Variants in TNFAIP2 observed in about 807,000 individuals in gnomAD.
The protein encoded by TNFAIP2 is tumor necrosis factor alpha-induced protein 2.
In TNFAIP2, 47 loss-of-function variants were observed where a neutral mutation model predicts 63.5. The observed-to-expected ratio is 0.74, with a 90% CI of 0.59 to 0.94. TNFAIP2 has a LOEUF of 0.94. Among genes scored for constraint, TNFAIP2 ranks in the 40% least tolerant of loss-of-function variants. The pLI is 0.00. For synonymous variants in TNFAIP2, 405 were observed against 390.2 expected (o/e 1.04, Z -0.45); for missense variants, 787 against 850.2 (o/e 0.93, Z 0.92).
At chr14:103,129,623 A>T in intron 3 of TNFAIP2, 117 bp from the exon 4 acceptor site, 2 of 827,982 alleles carry the variant, frequency 2.4e-6, no homozygotes, top group Non-Finnish European at 4.0e-6. Context: ...GGGGTGCGGG[A>T]GGGTGTGCTG....
In TNFAIP2 at chr14:103,130,242, C is replaced by T; in HGVS notation, c.1099-73C>T. The T allele has an allele frequency of 2.0e-6, 3 of 1,528,368 alleles. No individual in the cohort carries two copies. The South Asian group carries it at 3.7e-5, about 19-fold the overall frequency. The allele number at this position is 1,528,368 out of a possible 1,614,324, so 94.7% of individuals were successfully genotyped here. A position where few individuals can be genotyped will look rare whatever the true frequency, so the allele number is the denominator to read the frequency against. ...CCTCGGGGCACCCCCTCTGTTCCCGCCTGTTTCCTCCCCGTCCCCTGCCCC... is the reference window on the plus strand; with the variant it reads ...CCTCGGGGCACCCCCTCTGTTCCCGTCTGTTTCCTCCCCGTCCCCTGCCCC... On this transcript the variant is annotated intron_variant, in intron 5 of 11. Transcript: ENST00000560869.
In TNFAIP2 at chr14:103,132,758, C is replaced by A; in HGVS notation, c.1431C>A (p.Phe477Leu). ...QNLHEDLKPLFKRFTHTRWAA... is the reference protein window; with the variant it reads ...QNLHEDLKPLLKRFTHTRWAA... ...TGCCTCTCCTGTCTCAGCCACTGTT[C>A]AAGAGGTTCACGCACACCCGCTGGG... The change falls in exon 9 of 12, where the codon TTC (phenylalanine) becomes TTA (leucine). Residue 477 changes from phenylalanine (F) to leucine (L), a missense_variant. By Grantham distance (22) the Phe-to-Leu change is conservative. Around this residue, in one of 3 missense-constraint regions of TNFAIP2, gnomAD observed 523 missense variants for 604.1 expected, o/e 0.87. Transcript: ENST00000560869. 6.2e-7 allele frequency: 1 copy of A among 1,613,148 alleles called. No individual in the cohort carries two copies. The highest frequency in any genetic ancestry group is 1.1e-5 in the South Asian group (1 of 90,708).
chr14:103,133,082 G>A (rs548950353), intron 9 of TNFAIP2, among the ~76,000 whole-genome samples: 1 of 152,324 alleles, frequency 6.6e-6, no homozygotes, highest in East Asian at 1.9e-4. Flanking sequence ...ACACACATGT[G>A]AATGCACGAG....
Position 103,127,619 on chromosome 14 carries a change from C to T in TNFAIP2, c.850C>T (p.Leu284Phe). 1 of 1,505,036 alleles carries T rather than the reference C, an allele frequency of 6.6e-7. No individual in the cohort carries two copies. The highest frequency in any genetic ancestry group is 8.9e-7 in the Non-Finnish European group (1 of 1,125,544). The allele number at this position is 1,505,036 out of a possible 1,614,324, so 93.2% of individuals were successfully genotyped here. The change falls in exon 3 of 12, where the codon CTC becomes TTC. Residue 284 changes from leucine (L) to phenylalanine (F), a missense_variant. This residue lies in a region of TNFAIP2 where 523 missense variants were observed against 604.1 expected (regional missense o/e 0.87). Coordinates refer to ENST00000560869, the MANE Select transcript of TNFAIP2 (RefSeq NM_006291.4). The surrounding 1 kb of genome is among the most constrained non-coding windows in gnomAD (Gnocchi z 5.1). ...CATGCTGCTGCTCTGGGTGCAGAACCTCTACCCCAAGTGAGCAGACCAGGG... is the reference window on the plus strand; with the variant it reads ...CATGCTGCTGCTCTGGGTGCAGAACTTCTACCCCAAGTGAGCAGACCAGGG... ...TYMLLLWVQN[L>F]YPNDIINSPK... is the part of the protein sequence containing the mutation.
intron 3 of TNFAIP2, 77 bp from the exon 4 acceptor site, chr14:103,129,663 T>G: frequency 7.2e-7 from 1 of 1,396,718 alleles, no homozygotes; most frequent in Non-Finnish European, 1.0e-6. Context: ...AGACCAAGGC[T>G]GAGGGCCTGG....
Position 103,131,180 on chromosome 14 carries a change from T to C in TNFAIP2, c.1298+30T>C. ...GAGTGTTGGGAGGGGCTTGCGGGAG[T>C]GGGAGTCACTCAGCGGGCAGGAGAG... On this transcript the variant is annotated intron_variant, in intron 7 of 11. Coordinates refer to ENST00000560869, the MANE Select transcript of TNFAIP2 (RefSeq NM_006291.4). The surrounding 1 kb of genome is among the most constrained non-coding windows in gnomAD (Gnocchi z 4.0). 6.2e-7 allele frequency: 1 copy of C among 1,609,306 alleles called. No individual in the cohort carries two copies. The highest frequency in any genetic ancestry group is 8.5e-7 in the Non-Finnish European group (1 of 1,176,626).
At position 103,131,754 on chromosome 14, in the gene TNFAIP2, G is replaced by A; in HGVS notation, c.1414G>A (p.Asp472Asn). ...CACCCTGCTCCAGAACCTGCATGAG[G>A]ACCTGAAGGTAGCGGGAGCCTCTTG... ...FDTLLQNLHE[D>N]LKPLFKRFTH... Residue 472 changes from aspartate (D) to asparagine (N), a missense_variant, in exon 8 of 12, where the codon GAC (aspartate) becomes AAC (asparagine). Asp to Asn is a conservative substitution (Grantham distance 23). Transcript: ENST00000560869. This position sits in a 1 kb window ranked among gnomAD's most constrained non-coding sequence, Gnocchi z 4.0. The A allele has an allele frequency of 1.2e-6, 2 of 1,611,924 alleles. No individual in the cohort carries two copies. The highest frequency in any genetic ancestry group is 1.7e-6 in the Non-Finnish European group (2 of 1,179,468).
chr14:103,132,705 T>A (rs759808722), intron 8 of TNFAIP2, 45 bp from the exon 9 acceptor site: 3 of 1,596,304 alleles, frequency 1.9e-6, no homozygotes, highest in Non-Finnish European at 2.6e-6. Context: ...CTGGCAGCCC[T>A]TCCTCTCCAG....
intron 11 of TNFAIP2, among the ~76,000 whole-genome samples, chr14:103,134,886 TTGTGAA>T (rs1230532456): frequency 6.6e-6 from 1 of 152,148 alleles, no homozygotes; most frequent in Non-Finnish European, 1.5e-5. Context: ...TTAACCAAGG[TTGTGAA>T]TGATAGGAGG....
At chr14:103,122,662 A>G, upstream of TNFAIP2, 1 of 456,028 alleles carries the variant, frequency 2.2e-6, no homozygotes, top group Non-Finnish European at 4.4e-6. Context: ...GCCTGCGCTG[A>G]ATGGGCAAAG....
upstream of TNFAIP2, among the ~76,000 whole-genome samples, chr14:103,123,272 G>A (rs553390916): frequency 6.6e-6 from 1 of 152,314 alleles, no homozygotes; most frequent in East Asian, 1.9e-4. Context: ...AAGTGACAGC[G>A]CCCCGCATCC....
At chr14:103,125,520 G>A (rs988158292) in intron 1 of TNFAIP2, among the ~76,000 whole-genome samples, 2 of 152,234 alleles carry the variant, frequency 1.3e-5, no homozygotes, top group South Asian at 2.1e-4. Flanking sequence ...CACCCAGGAA[G>A]GCTGCAGAAA....
rs1337300890 is a variant in TNFAIP2, at chr14:103,127,489, C to T, written c.720C>T (p.Pro240=). ...AVVERLKPLF[P]AEFGVVAAYA... The stretch of plus-strand genomic sequence containing the variant: ...TGGAGCGGCTGAAGCCGCTGTTCCC[C>T]GCCGAGTTCGGCGTCGTGGCGGCCT... Residue 240 remains proline, a synonymous_variant, in exon 3 of 12, where the codon CCC becomes CCT. Coordinates refer to ENST00000560869, the MANE Select transcript of TNFAIP2 (RefSeq NM_006291.4). The surrounding 1 kb of genome is among the most constrained non-coding windows in gnomAD (Gnocchi z 5.1). 10 of 1,590,064 alleles carry T rather than the reference C, an allele frequency of 6.3e-6. No individual in the cohort carries two copies. The highest frequency in any genetic ancestry group is 1.3e-5 in the African/African-American group (1 of 74,816).
In TNFAIP2 at chr14:103,127,301, C is replaced by T; in HGVS notation, c.532C>T (p.Leu178=). Residue 178 remains leucine, a synonymous_variant, in exon 3 of 12, where the codon CTG becomes TTG. Transcript: ENST00000560869. This position sits in a 1 kb window ranked among gnomAD's most constrained non-coding sequence, Gnocchi z 5.1. ...AAAAGPGTSG[L]AATRPRRWLQ... ...GGCGGCGGGGCCGGGGACCTCGGGG[C>T]TGGCGGCCACGCGCCCGCGGCGCTG... 2 of 987,698 alleles carry T rather than the reference C, an allele frequency of 2.0e-6. No homozygotes were observed. Among genetic ancestry groups the T allele is most frequent in the Non-Finnish European group, 2.4e-6 (2 of 833,154 alleles). 61.2% of individuals were successfully genotyped at this position (987,698 alleles called of 1,614,324 possible). A position where few individuals can be genotyped will look rare whatever the true frequency, so the allele number is the denominator to read the frequency against.
rs576304605 is a variant in TNFAIP2 at position 103,131,545 on chromosome 14, G to T, written c.1299-94G>T. 8.9e-6 allele frequency: 13 copies of T among 1,459,312 alleles called. No homozygotes were observed. In the East Asian group the frequency reaches 2.7e-4, roughly 31 times the overall value. The allele number at this position is 1,459,312 out of a possible 1,614,324, so 90.4% of individuals were successfully genotyped here. A position where few individuals can be genotyped will look rare whatever the true frequency, so the allele number is the denominator to read the frequency against. ...CATAGAGAATGGGGAGCCATTGAGG[G>T]TTCTAGAGTGAAGAGAGGGGGCTGT... On this transcript the variant is annotated intron_variant, in intron 7 of 11. Coordinates refer to ENST00000560869, the MANE Select transcript of TNFAIP2 (RefSeq NM_006291.4). The surrounding 1 kb of genome is among the most constrained non-coding windows in gnomAD (Gnocchi z 4.0).
upstream of TNFAIP2, among the ~76,000 whole-genome samples, chr14:103,121,886 TGA>T (rs1891117959): frequency 2.9e-5 from 1 of 33,902 alleles, no homozygotes; most frequent in Non-Finnish European, 6.0e-5. Context: ...GGAGGGGGGG[TGA>T]GGGGGTGGGG....
rs1413567424 is a variant in TNFAIP2 at position 103,133,505 on chromosome 14, C to T, written c.1689C>T (p.Phe563=). 1 of 1,613,806 alleles carries T rather than the reference C, an allele frequency of 6.2e-7. No individual in the cohort carries two copies. Among genetic ancestry groups the T allele is most frequent in the Non-Finnish European group, 8.5e-7 (1 of 1,179,914 alleles). The stretch of plus-strand genomic sequence containing the variant: ...CCAATGCTGACACCATCCAGCACTT[C>T]TGCACCCAGCACGTAAGCCGCTGCC... ...ILANADTIQH[F]CTQHGSPATW... is the part of the protein sequence containing the mutation. The change falls in exon 10 of 12, where the codon TTC becomes TTT. Residue 563 remains phenylalanine, a synonymous_variant. Coordinates refer to ENST00000560869, the MANE Select transcript of TNFAIP2 (RefSeq NM_006291.4).
Position 103,131,194 on chromosome 14 carries a change from C to CGGGCAGGAGAGGG in TNFAIP2, c.1298+46_1298+58dup. ...GCTTGCGGGAGTGGGAGTCACTCAG[C>CGGGCAGGAGAGGG]GGGCAGGAGAGGGGAGCTGGAAGGT... On this transcript the variant is annotated intron_variant, in intron 7 of 11. Transcript: ENST00000560869. The surrounding 1 kb of genome is among the most constrained non-coding windows in gnomAD (Gnocchi z 4.0). 6.2e-7 allele frequency: 1 copy of CGGGCAGGAGAGGG among 1,600,284 alleles called. No homozygotes were observed. Among genetic ancestry groups the CGGGCAGGAGAGGG allele is most frequent in the Non-Finnish European group, 8.6e-7 (1 of 1,168,206 alleles).
At chr14:103,124,657 C>T (rs939885389) in intron 1 of TNFAIP2, among the ~76,000 whole-genome samples, 4 of 152,230 alleles carry the variant, frequency 2.6e-5, no homozygotes, top group African/African-American at 9.6e-5. Flanking sequence ...GTGGCCCTGC[C>T]AGACAGACCA....
Sources: allele counts gnomAD v4.1 joint callset (sites outside exome capture counted in the v4.1 genomes callset), GRCh38; gene constraint gnomAD v4.1.1; regional missense constraint gnomAD v4.1.1; non-coding constraint Gnocchi (gnomAD v3.1); transcripts MANE v1.5; gene names NCBI Gene and HGNC (gene_info 2026-07-23, HGNC 2026-07-21).